Variants in ODAPH observed in about 807,000 individuals in gnomAD.
ODAPH encodes amelogenesis imperfecta type IIA4.
In ODAPH, 2 loss-of-function variants were observed where a neutral mutation model predicts 2.8. The observed-to-expected ratio is 0.72, with a 90% CI of 0.30 to 2.28. The LOEUF (loss-of-function observed/expected upper bound fraction) is 2.28. ODAPH is among the 30% of genes most tolerant of loss of function. The pLI is 0.13. For missense variants in ODAPH, 159 were observed against 163.3 expected (o/e 0.97, Z 0.14); for synonymous variants, 75 against 60.3 (o/e 1.24, Z -1.13).
chr4:75,557,679 C>T (rs1727391277), intron 1 of ODAPH, among the ~76,000 whole-genome samples: 1 of 152,152 alleles, frequency 6.6e-6, no homozygotes, highest in South Asian at 2.1e-4. Context: ...ATTTGATTTC[C>T]GAATTTGGCT....
At chr4:75,556,559 T>C in intron 1 of ODAPH, 1 of 1,535,244 alleles carries the variant, frequency 6.5e-7, no homozygotes, top group Non-Finnish European at 8.7e-7. Flanking sequence ...ACTTTCTATC[T>C]CCAGCAGCAT....
Position 75,556,169 on chromosome 4 carries a change from T to G in ODAPH, c.67+20T>G. On this transcript the variant is annotated intron_variant, in intron 1 of 1. Transcript: ENST00000311623. ...CAGAAGGTAAGGGTTTTGCTTTTATTCTACTGTGGGTCCACTAATTAATAA... is the reference window on the plus strand; with the variant it reads ...CAGAAGGTAAGGGTTTTGCTTTTATGCTACTGTGGGTCCACTAATTAATAA... The G allele has an allele frequency of 6.2e-7, 1 of 1,611,094 alleles. No individual in the cohort carries two copies. Among genetic ancestry groups the G allele is most frequent in the South Asian group, 1.1e-5 (1 of 91,010 alleles).
intron 1 of ODAPH, among the ~76,000 whole-genome samples, chr4:75,557,036 T>C (rs1315515915): frequency 1.3e-5 from 2 of 152,006 alleles, no homozygotes; most frequent in Admixed American, 6.6e-5. Flanking sequence ...GAGCTCACAA[T>C]AGACAGGAGG....
At chr4:75,563,898 A>G (rs1324251752) in intron 1 of ODAPH, among the ~76,000 whole-genome samples, 2 of 152,178 alleles carry the variant, frequency 1.3e-5, no homozygotes, top group Non-Finnish European at 2.9e-5. Context: ...TATAGACATA[A>G]TCATTCATTT....
intron 1 of ODAPH, among the ~76,000 whole-genome samples, chr4:75,562,620 G>C (rs1359541365): frequency 6.6e-6 from 1 of 152,146 alleles, no homozygotes; most frequent in Non-Finnish European, 1.5e-5. Context: ...GATTACAAGG[G>C]AAGTTCATTT....
At chr4:75,560,463 A>T (rs1211543025) in intron 1 of ODAPH, among the ~76,000 whole-genome samples, 1 of 152,212 alleles carries the variant, frequency 6.6e-6, no homozygotes, top group Non-Finnish European at 1.5e-5. Flanking sequence ...ACTTTCTCAG[A>T]TGTGTGGCCC....
intron 1 of ODAPH, 26 bp downstream of exon 1, chr4:75,556,175 G>A: frequency 6.2e-7 from 1 of 1,605,292 alleles, no homozygotes; most frequent in Non-Finnish European, 8.5e-7. Context: ...TTATTCTACT[G>A]TGGGTCCACT....
chr4:75,563,980 T>C, intron 1 of ODAPH, 134 bp from the exon 2 acceptor site: 1 of 748,882 alleles, frequency 1.3e-6, no homozygotes, highest in African/African-American at 1.7e-5. Context: ...CATTGAACGT[T>C]GGCAGTTCTT....
At chr4:75,556,505 T>C (rs1227075377) in intron 1 of ODAPH, 6 of 1,515,128 alleles carry the variant, frequency 4.0e-6, no homozygotes, top group Admixed American at 2.0e-5. Context: ...CTAGTTATTA[T>C]GGTTACAAAG....
At chr4:75,561,721 C>G (rs764701974) in intron 1 of ODAPH, among the ~76,000 whole-genome samples, 3 of 152,074 alleles carry the variant, frequency 2.0e-5, no homozygotes, top group Non-Finnish European at 2.9e-5. Flanking sequence ...GTGGCGGGCA[C>G]CTGTAATCCC....
intron 1 of ODAPH, among the ~76,000 whole-genome samples, chr4:75,562,965 T>A (rs1161281632): frequency 2.6e-5 from 4 of 151,544 alleles, no homozygotes. Flanking sequence ...CTGAATTTTC[T>A]TTATTTAGTT....
At chr4:75,558,109 C>T (rs918319353) in intron 1 of ODAPH, among the ~76,000 whole-genome samples, 1 of 152,182 alleles carries the variant, frequency 6.6e-6, no homozygotes, top group Non-Finnish European at 1.5e-5. Context: ...AGCTCAGGCT[C>T]TTAATCTTAA....
At chr4:75,565,775 G>A (rs1419828050), downstream of ODAPH, 1 of 151,764 alleles carries the variant, frequency 6.6e-6, no homozygotes, top group Non-Finnish European at 1.5e-5. Context: ...AAAAAAATCA[G>A]GATGAAGACA....
intron 1 of ODAPH, among the ~76,000 whole-genome samples, chr4:75,561,708 G>C (rs1399146054): frequency 4.6e-5 from 7 of 152,118 alleles, no homozygotes; most frequent in Admixed American, 3.9e-4. Context: ...TTAGCTAGGC[G>C]TGGTGGCGGG....
intron 1 of ODAPH, among the ~76,000 whole-genome samples, chr4:75,557,143 T>C (rs1046255778): frequency 9.9e-5 from 15 of 152,244 alleles, no homozygotes; most frequent in African/African-American, 3.4e-4. Context: ...GCATAGATTA[T>C]GAACAAAACC....
rs895090754 is a variant in ODAPH, at chr4:75,564,139, T to C, written c.93T>C (p.Pro31=). The change falls in exon 2 of 2, where the codon CCT becomes CCC. Residue 31 remains proline, a synonymous_variant. Transcript: ENST00000311623. The stretch of plus-strand genomic sequence containing the variant: ...GACAAGAAGAGGTATTTACGCCTCC[T>C]GGAGATTCACAAAATAATGCGGACG... ...AEGQEEVFTP[P]GDSQNNADAT... 6.2e-7 allele frequency: 1 copy of C among 1,614,192 alleles called. No individual in the cohort carries two copies. The highest frequency in any genetic ancestry group is 8.5e-7 in the Non-Finnish European group (1 of 1,180,030).
chr4:75,556,223 T>A, intron 1 of ODAPH, 74 bp downstream of exon 1: 1 of 1,339,520 alleles, frequency 7.5e-7, no homozygotes, highest in Non-Finnish European at 1.1e-6. Flanking sequence ...ACTGGCTCCA[T>A]GATTATACGT....
chr4:75,559,087 G>A (rs1727461394), intron 1 of ODAPH, among the ~76,000 whole-genome samples: 3 of 152,166 alleles, frequency 2.0e-5, no homozygotes, highest in Non-Finnish European at 4.4e-5. Context: ...GAACATTCAA[G>A]GTCGGCCTGA....
At chr4:75,558,981 C>A (rs1727456879) in intron 1 of ODAPH, among the ~76,000 whole-genome samples, 1 of 152,188 alleles carries the variant, frequency 6.6e-6, no homozygotes, top group Non-Finnish European at 1.5e-5. Flanking sequence ...TAAGTGTAAG[C>A]CACCACGCCC....
Sources: gnomAD v4.1 joint callset for allele counts (sites outside exome capture counted in the v4.1 genomes callset) on GRCh38, gnomAD v4.1.1 for gene constraint, MANE v1.5 for transcripts, NCBI Gene and HGNC (gene_info 2026-07-23, HGNC 2026-07-21) for gene names.